Variants in PRKAR1B observed in about 807,000 individuals in gnomAD.
PRKAR1B encodes protein kinase cAMP-dependent type I regulatory subunit beta.
In PRKAR1B, 22 loss-of-function variants were observed where a neutral mutation model predicts 46.5. That is an observed-to-expected ratio of 0.47 (90% CI 0.34 to 0.68). The LOEUF is 0.68. Ranked by LOEUF, PRKAR1B falls within the 30% of genes least tolerant of loss-of-function variation. The probability of loss-of-function intolerance (pLI) is 0.01; values close to 1 mark genes in which losing one functional copy is unlikely to be tolerated. For missense variants in PRKAR1B, 445 were observed against 535.6 expected (o/e 0.83, Z 1.67); for synonymous variants, 259 against 217.7 (o/e 1.19, Z -1.67).
intron 1 of PRKAR1B, among the ~76,000 whole-genome samples, chr7:720,576 G>A (rs1314336468): frequency 6.6e-6 from 1 of 152,178 alleles, no homozygotes; most frequent in Non-Finnish European, 1.5e-5. Context: ...CTGAGTTGGG[G>A]GCTGAAGTCG....
intron 4 of PRKAR1B, among the ~76,000 whole-genome samples, chr7:650,359 C>T (rs989527261): frequency 1.2e-4 from 19 of 152,188 alleles, no homozygotes; most frequent in Admixed American, 1.2e-3. Flanking sequence ...GAGCCACTGC[C>T]ACCCCAACTC....
rs184435047 is a variant in PRKAR1B at position 647,733 on chromosome 7, G to T, written c.440+29496C>A. Among the ~76,000 whole-genome samples, 715 of 151,008 alleles carry T rather than the reference G, an allele frequency of 4.7e-3. 8 individuals are homozygous for T. Among genetic ancestry groups the T allele is most frequent in the African/African-American group, 0.017 (679 of 40,972 alleles). On this transcript the variant is annotated intron_variant, in intron 4 of 10. Transcript: ENST00000537384. ...AGGCAGGAGAATGGCATGAACCTGG[G>T]GGGGCAGAGCCTGCAGTGAGCCGAG...
At chr7:608,627 CTGGGGGG>C (rs1385756912) in intron 4 of PRKAR1B, 36 of 53,802 alleles carry the variant, frequency 6.7e-4, no homozygotes, top group East Asian at 2.6e-3. Context: ...GTAGGGAGGG[CTGGGGGG>C]CCTCCACTGT....
chr7:636,082 CCT>C, intron 4 of PRKAR1B, among the ~76,000 whole-genome samples: 2 of 22,846 alleles, frequency 8.8e-5, no homozygotes, highest in African/African-American at 1.7e-4. Flanking sequence ...CCGGCCGCGC[CCT>C]CACGTCCTCC....
At chr7:672,182 G>A (rs575165113) in intron 4 of PRKAR1B, among the ~76,000 whole-genome samples, 8 of 151,810 alleles carry the variant, frequency 5.3e-5, no homozygotes, top group South Asian at 4.2e-4. Context: ...ATGGAGTCTC[G>A]CTCTGTCGCC....
chr7:643,955 G>A (rs966503531), intron 4 of PRKAR1B, among the ~76,000 whole-genome samples: 12 of 152,184 alleles, frequency 7.9e-5, no homozygotes, highest in East Asian at 1.9e-4. Context: ...CCCAGACATC[G>A]CGGGGCAGGG....
intron 9 of PRKAR1B, among the ~76,000 whole-genome samples, chr7:574,470 G>C (rs1355571914): frequency 6.6e-6 from 1 of 151,340 alleles, no homozygotes; most frequent in African/African-American, 2.4e-5. Flanking sequence ...TTTGAGACAG[G>C]CTCTTGCTCT....
intron 9 of PRKAR1B, among the ~76,000 whole-genome samples, chr7:574,864 A>T (rs1779727792): frequency 6.6e-6 from 1 of 152,248 alleles, no homozygotes; most frequent in Non-Finnish European, 1.5e-5. Flanking sequence ...TGAGCCTGTA[A>T]GCACCAGTTT....
At chr7:557,191 A>T (rs1260998632) in intron 9 of PRKAR1B, among the ~76,000 whole-genome samples, 1 of 152,194 alleles carries the variant, frequency 6.6e-6, no homozygotes, top group East Asian at 1.9e-4. Flanking sequence ...ATCAGCAGCC[A>T]AGGAGGGAAA....
chr7:696,147 T>A (rs906303390), intron 2 of PRKAR1B, among the ~76,000 whole-genome samples: 2 of 151,688 alleles, frequency 1.3e-5, no homozygotes, highest in African/African-American at 4.9e-5. Context: ...TAAATTTTTT[T>A]ATTATTATTT....
intron 2 of PRKAR1B, among the ~76,000 whole-genome samples, chr7:710,544 G>A (rs1408408569): frequency 2.0e-5 from 3 of 152,036 alleles, no homozygotes; most frequent in Admixed American, 6.6e-5. Flanking sequence ...CCGACCACAC[G>A]TGCCGAAGGG....
intron 7 of PRKAR1B, among the ~76,000 whole-genome samples, chr7:589,620 G>C (rs564617467): frequency 5.3e-5 from 8 of 152,182 alleles, no homozygotes; most frequent in Non-Finnish European, 1.2e-4. Context: ...GCTAAGTGCT[G>C]AGGCCAAGAA....
chr7:724,135 C>T (rs935031622), intron 1 of PRKAR1B, among the ~76,000 whole-genome samples: 66 of 152,240 alleles, frequency 4.3e-4, no homozygotes, highest in African/African-American at 1.3e-3. Flanking sequence ...TTTGGGGAGA[C>T]GCCATTCAGC....
At chr7:596,379 C>G (rs535181279) in intron 6 of PRKAR1B, 75 bp from the exon 7 acceptor site, 15 of 1,517,902 alleles carry the variant, frequency 9.9e-6, no homozygotes, top group Non-Finnish European at 1.3e-5. Flanking sequence ...ACAGAAAGTC[C>G]CCCTTAGCTC....
chr7:673,805 G>T (rs1157061844), intron 4 of PRKAR1B, among the ~76,000 whole-genome samples: 1 of 152,238 alleles, frequency 6.6e-6, no homozygotes, highest in African/African-American at 2.4e-5. Context: ...CGTCTCTGCA[G>T]TTCTGGGGCC....
At chr7:577,322 C>T (rs1779913644) in intron 9 of PRKAR1B, among the ~76,000 whole-genome samples, 1 of 152,234 alleles carries the variant, frequency 6.6e-6, no homozygotes, top group African/African-American at 2.4e-5. Context: ...ATCCTCGTCA[C>T]TGCCCACAGC....
At chr7:679,958 A>T (rs916608260) in intron 3 of PRKAR1B, among the ~76,000 whole-genome samples, 1 of 152,088 alleles carries the variant, frequency 6.6e-6, no homozygotes, top group Admixed American at 6.5e-5. Flanking sequence ...GGAGATTGAG[A>T]CCATCCTGGC....
At chr7:557,758 C>G (rs920458893) in intron 9 of PRKAR1B, among the ~76,000 whole-genome samples, 1 of 152,190 alleles carries the variant, frequency 6.6e-6, no homozygotes, top group Non-Finnish European at 1.5e-5. Flanking sequence ...ACTCCACTTC[C>G]CAGACTGCCA....
intron 6 of PRKAR1B, among the ~76,000 whole-genome samples, chr7:599,409 C>T (rs746727452): frequency 3.3e-5 from 5 of 152,018 alleles, no homozygotes; most frequent in Non-Finnish European, 5.9e-5. Flanking sequence ...GCGATTCTCC[C>T]GCCTCAGCCT....
Sources: gnomAD v4.1 joint callset for allele counts (sites outside exome capture counted in the v4.1 genomes callset) on GRCh38, gnomAD v4.1.1 for gene constraint, MANE v1.5 for transcripts, NCBI Gene and HGNC (gene_info 2026-07-23, HGNC 2026-07-21) for gene names.